The following TAFA1 variants were observed in gnomAD, a reference collection of about 807,000 sequenced individuals.
TAFA1 encodes chemokine-like protein TAFA-1.
In TAFA1, 4 loss-of-function variants were observed where a neutral mutation model predicts 18.5. The ratio of observed to expected loss-of-function variants is 0.22; its 90% confidence interval spans 0.11 to 0.49. The LOEUF (loss-of-function observed/expected upper bound fraction) is 0.49, where lower values mean the gene tolerates loss of function less well. Among genes scored for constraint, TAFA1 ranks in the 20% least tolerant of loss-of-function variants. TAFA1 has a pLI of 0.98. For synonymous variants in TAFA1, 56 were observed against 55.2 expected (o/e 1.01, Z -0.06); for missense variants, 147 against 169.0 (o/e 0.87, Z 0.72).
At chr3:68,483,630 G>A (rs2072277852) in intron 3 of TAFA1, among the ~76,000 whole-genome samples, 1 of 152,216 alleles carries the variant, frequency 6.6e-6, no homozygotes, top group Non-Finnish European at 1.5e-5. Flanking sequence ...GGTAGACAGG[G>A]AGATGTGGTT....
intron 2 of TAFA1, among the ~76,000 whole-genome samples, chr3:68,387,852 A>G (rs1270357498): frequency 6.6e-6 from 1 of 152,132 alleles, no homozygotes; most frequent in East Asian, 1.9e-4. Context: ...GTTATTTATA[A>G]TATGCATTTC....
intron 2 of TAFA1, among the ~76,000 whole-genome samples, chr3:68,288,500 T>G (rs2068055400): frequency 6.6e-6 from 1 of 152,164 alleles, no homozygotes; most frequent in Admixed American, 6.6e-5. Context: ...GGTGCAGCTG[T>G]TTGTCAAGCA....
intron 3 of TAFA1, among the ~76,000 whole-genome samples, chr3:68,475,250 C>T (rs2072069224): frequency 2.0e-5 from 3 of 151,786 alleles, no homozygotes; most frequent in Admixed American, 1.3e-4. Context: ...TGTTGGTGTG[C>T]TGCACCTATT....
At chr3:68,483,359 A>G (rs190294746) in intron 3 of TAFA1, among the ~76,000 whole-genome samples, 26 of 152,312 alleles carry the variant, frequency 1.7e-4, no homozygotes, top group African/African-American at 5.5e-4. Context: ...ATCATAGACA[A>G]TATGTACCCG....
At chr3:68,195,214 G>C (rs2066396278) in intron 2 of TAFA1, among the ~76,000 whole-genome samples, 1 of 150,750 alleles carries the variant, frequency 6.6e-6, no homozygotes, top group Admixed American at 6.7e-5. Flanking sequence ...ATATAAAAAT[G>C]GATGTTTAAA....
At position 68,265,202 on chromosome 3, in the gene TAFA1, C is replaced by T. The variant is rs186009854; in HGVS notation, c.119-152078C>T. On this transcript the variant is annotated intron_variant, in intron 2 of 4. Coordinates refer to ENST00000478136, the MANE Select transcript of TAFA1 (RefSeq NM_213609.4). ...CCAAAACCTTTTCTGAGGCTCTGAT[C>T]CCTTAGATCTTGATCTCCTGTTTAA... is the stretch of plus-strand genomic sequence containing the variant. Among the ~76,000 whole-genome samples, 15 of 152,276 alleles carry T rather than the reference C, an allele frequency of 9.9e-5. No homozygotes were observed. In the East Asian group the frequency reaches 2.9e-3, roughly 29 times the overall value.
At chr3:68,384,761 G>A (rs1273751990) in intron 2 of TAFA1, among the ~76,000 whole-genome samples, 1 of 151,964 alleles carries the variant, frequency 6.6e-6, no homozygotes, top group African/African-American at 2.4e-5. Context: ...TATTGTCAAT[G>A]GGGTGTTAAA....
intron 2 of TAFA1, among the ~76,000 whole-genome samples, chr3:68,102,925 A>G (rs2065164659): frequency 6.6e-6 from 1 of 152,170 alleles, no homozygotes; most frequent in Non-Finnish European, 1.5e-5. Context: ...TCCTACCCAA[A>G]TCATGTTCTG....
chr3:68,083,575 G>A (rs747217201), intron 2 of TAFA1, among the ~76,000 whole-genome samples: 2 of 152,156 alleles, frequency 1.3e-5, no homozygotes, highest in Non-Finnish European at 2.9e-5. Context: ...TGGTCACTAG[G>A]CCTATGGGCT....
chr3:68,053,032 C>A (rs2064491097), intron 2 of TAFA1, among the ~76,000 whole-genome samples: 1 of 152,148 alleles, frequency 6.6e-6, no homozygotes, highest in African/African-American at 2.4e-5. Flanking sequence ...ACTTCTTTCT[C>A]CTGAAAGACA....
At chr3:68,524,505 G>A (rs1319480625) in intron 3 of TAFA1, among the ~76,000 whole-genome samples, 2 of 152,034 alleles carry the variant, frequency 1.3e-5, no homozygotes, top group Admixed American at 6.6e-5. Flanking sequence ...ACATAAAGAG[G>A]CAGTACATTT....
intron 2 of TAFA1, among the ~76,000 whole-genome samples, chr3:68,330,434 G>T (rs1559620108): frequency 6.6e-6 from 1 of 152,174 alleles, no homozygotes; most frequent in African/African-American, 2.4e-5. Context: ...CACACAGGGG[G>T]ATCTGGAGAG....
At chr3:68,015,223 G>T (rs980539043) in intron 2 of TAFA1, among the ~76,000 whole-genome samples, 1 of 151,860 alleles carries the variant, frequency 6.6e-6, no homozygotes, top group Non-Finnish European at 1.5e-5. Context: ...GAAGACAATA[G>T]TTGATTCAAT....
At chr3:68,142,158 A>G (rs2106903920) in intron 2 of TAFA1, among the ~76,000 whole-genome samples, 1 of 152,360 alleles carries the variant, frequency 6.6e-6, no homozygotes, top group East Asian at 1.9e-4. Context: ...TTTGTTCCAT[A>G]CATGAGGAAA....
At chr3:68,373,510 A>T (rs2069752597) in intron 2 of TAFA1, among the ~76,000 whole-genome samples, 1 of 152,186 alleles carries the variant, frequency 6.6e-6, no homozygotes, top group South Asian at 2.1e-4. Context: ...AAGAAACATA[A>T]GACTTAAATC....
At chr3:68,377,647 C>T (rs953734579) in intron 2 of TAFA1, among the ~76,000 whole-genome samples, 2 of 152,192 alleles carry the variant, frequency 1.3e-5, no homozygotes, top group African/African-American at 4.8e-5. Flanking sequence ...TAATCGCCAA[C>T]ACAATGGGGA....
At chr3:68,139,414 AT>A (rs1167031642) in intron 2 of TAFA1, among the ~76,000 whole-genome samples, 1 of 152,152 alleles carries the variant, frequency 6.6e-6, no homozygotes, top group Non-Finnish European at 1.5e-5. Flanking sequence ...TCTCTGTATA[AT>A]TTCCCAAGAA....
chr3:68,442,409 C>A (rs1277270415), intron 3 of TAFA1, among the ~76,000 whole-genome samples: 1 of 152,108 alleles, frequency 6.6e-6, no homozygotes. Flanking sequence ...ACTCATTTAT[C>A]CATGAGGGGA....
At chr3:68,305,154 C>T (rs999258426) in intron 2 of TAFA1, among the ~76,000 whole-genome samples, 5 of 151,610 alleles carry the variant, frequency 3.3e-5, no homozygotes, top group Non-Finnish European at 7.4e-5. Flanking sequence ...TTCACCAATC[C>T]TCATTATTCC....
Sources: allele counts gnomAD v4.1 joint callset (sites outside exome capture counted in the v4.1 genomes callset), GRCh38; gene constraint gnomAD v4.1.1; transcripts MANE v1.5; gene names NCBI Gene and HGNC (gene_info 2026-07-23, HGNC 2026-07-21).